B3GALT1: variants seen among roughly 807,000 people sequenced by gnomAD.
B3GALT1 encodes UDP-Gal:betaGlcNAc beta 1,3-galactosyltransferase, polypeptide 1.
A neutral mutation model predicts 23.2 loss-of-function variants in B3GALT1; 10 were observed. That is an observed-to-expected ratio of 0.43 (90% CI 0.27 to 0.73). B3GALT1 has a LOEUF of 0.73. Among genes scored for constraint, B3GALT1 ranks in the 30% least tolerant of loss-of-function variants. The pLI is 0.21. For synonymous variants in B3GALT1, 156 were observed against 141.5 expected (o/e 1.10, Z -0.73); for missense variants, 299 against 405.4 (o/e 0.74, Z 2.25).
At chr2:167,670,869 A>C (rs1337165069) in intron 3 of B3GALT1, among the ~76,000 whole-genome samples, 1 of 152,198 alleles carries the variant, frequency 6.6e-6, no homozygotes, top group East Asian at 1.9e-4. Flanking sequence ...AGAATGAAGA[A>C]GAGTGAATAA....
Position 167,804,082 on chromosome 2 carries a change from C to T in B3GALT1, c.-351-14590C>T, listed in dbSNP as rs765990433. Among the ~76,000 whole-genome samples, 8 of 152,002 alleles carry T rather than the reference C, an allele frequency of 5.3e-5. No homozygotes were observed. The East Asian group carries it at 5.8e-4, about 11-fold the overall frequency. On this transcript the variant is annotated intron_variant, in intron 3 of 4. Transcript: ENST00000392690. ...GTGATCTCGGCACACTGCAACCTCCCGGGTTCAAGACATTCTCCTGCCTCA... is the reference window on the plus strand; with the variant it reads ...GTGATCTCGGCACACTGCAACCTCCTGGGTTCAAGACATTCTCCTGCCTCA...
intron 2 of B3GALT1, among the ~76,000 whole-genome samples, chr2:167,545,226 A>G (rs13395768): frequency 0.017 from 2,643 of 151,514 alleles, 31 homozygotes; most frequent in Non-Finnish European, 0.027. Context: ...TAGTAGAGAC[A>G]GGGTTTCACT....
At chr2:167,778,017 A>T (rs995120739) in intron 3 of B3GALT1, among the ~76,000 whole-genome samples, 4 of 152,082 alleles carry the variant, frequency 2.6e-5, no homozygotes, top group African/African-American at 9.7e-5. Context: ...AGAATTATCT[A>T]GCCCAAGTTG....
At chr2:167,621,422 T>C (rs1358128294) in intron 2 of B3GALT1, among the ~76,000 whole-genome samples, 1 of 152,056 alleles carries the variant, frequency 6.6e-6, no homozygotes, top group African/African-American at 2.4e-5. Context: ...TAAAATGTTA[T>C]TATTTTATCA....
At chr2:167,784,132 G>A (rs763300662) in intron 3 of B3GALT1, among the ~76,000 whole-genome samples, 1 of 152,072 alleles carries the variant, frequency 6.6e-6, no homozygotes, top group Non-Finnish European at 1.5e-5. Context: ...GCCCTTCGCT[G>A]TCCCCAGGGT....
intron 4 of B3GALT1, among the ~76,000 whole-genome samples, chr2:167,849,999 C>G (rs1270735195): frequency 2.0e-5 from 3 of 151,654 alleles, no homozygotes; most frequent in African/African-American, 7.3e-5. Flanking sequence ...GATTTCATAA[C>G]CAAGAACCCA....
At chr2:167,719,871 G>A (rs1420180944) in intron 3 of B3GALT1, among the ~76,000 whole-genome samples, 1 of 151,980 alleles carries the variant, frequency 6.6e-6, no homozygotes, top group Non-Finnish European at 1.5e-5. Context: ...GGCAGAGGTT[G>A]CAGTGAGCTG....
chr2:167,410,081 G>A (rs985538931), intron 1 of B3GALT1, among the ~76,000 whole-genome samples: 2 of 152,172 alleles, frequency 1.3e-5, no homozygotes, highest in Admixed American at 1.3e-4. Context: ...TATACACATG[G>A]AATACTATGC....
intron 1 of B3GALT1, among the ~76,000 whole-genome samples, chr2:167,351,213 G>C (rs1697302667): frequency 6.7e-6 from 1 of 149,642 alleles, no homozygotes; most frequent in Admixed American, 6.6e-5. Context: ...AGGTTGCAGT[G>C]AGCCGAGATC....
intron 3 of B3GALT1, among the ~76,000 whole-genome samples, chr2:167,759,708 C>T (rs1197033326): frequency 6.6e-6 from 1 of 152,082 alleles, no homozygotes; most frequent in Non-Finnish European, 1.5e-5. Context: ...GTTGCAGCTT[C>T]TCTCCCCATC....
chr2:167,821,627 G>T (rs1689108800), intron 4 of B3GALT1, among the ~76,000 whole-genome samples: 1 of 151,896 alleles, frequency 6.6e-6, no homozygotes, highest in African/African-American at 2.4e-5. Context: ...TAAAGACAGG[G>T]TTTCACCATG....
chr2:167,698,478 C>A (rs905193367), intron 3 of B3GALT1, among the ~76,000 whole-genome samples: 1 of 152,080 alleles, frequency 6.6e-6, no homozygotes, highest in Non-Finnish European at 1.5e-5. Context: ...TACAAATGAT[C>A]ACGGCAATTC....
chr2:167,386,781 A>G (rs1426301732), intron 1 of B3GALT1, among the ~76,000 whole-genome samples: 2 of 152,226 alleles, frequency 1.3e-5, no homozygotes, highest in East Asian at 3.8e-4. Context: ...CGCTTCTGGA[A>G]TTAGAGAAGT....
intron 2 of B3GALT1, among the ~76,000 whole-genome samples, chr2:167,501,592 A>C (rs960212503): frequency 6.6e-6 from 1 of 151,918 alleles, no homozygotes; most frequent in Non-Finnish European, 1.5e-5. Context: ...TATCATTATG[A>C]AACAATTTGC....
intron 1 of B3GALT1, among the ~76,000 whole-genome samples, chr2:167,443,042 G>A (rs1345793659): frequency 2.0e-5 from 3 of 151,954 alleles, no homozygotes; most frequent in Non-Finnish European, 4.4e-5. Context: ...ATCTTGAATT[G>A]ATTTTTGTAT....
At chr2:167,807,514 G>A (rs752537484) in intron 3 of B3GALT1, among the ~76,000 whole-genome samples, 1 of 151,736 alleles carries the variant, frequency 6.6e-6, no homozygotes, top group South Asian at 2.1e-4. Flanking sequence ...GGTATGTTGT[G>A]TCTTTGTTCT....
chr2:167,646,246 T>C (rs1030917367), intron 2 of B3GALT1, among the ~76,000 whole-genome samples: 4 of 152,134 alleles, frequency 2.6e-5, no homozygotes, highest in Non-Finnish European at 5.9e-5. Flanking sequence ...CTGTTCTAAG[T>C]GAACCAGCAG....
At chr2:167,804,951 A>G (rs1208029709) in intron 3 of B3GALT1, among the ~76,000 whole-genome samples, 1 of 152,164 alleles carries the variant, frequency 6.6e-6, no homozygotes, top group African/African-American at 2.4e-5. Flanking sequence ...CAACAGTGTA[A>G]AAGTGTTCCT....
intron 1 of B3GALT1, among the ~76,000 whole-genome samples, chr2:167,456,451 A>G (rs926976745): frequency 3.3e-5 from 5 of 152,206 alleles, no homozygotes; most frequent in Non-Finnish European, 7.4e-5. Flanking sequence ...CAGACCCCCT[A>G]ACACATACCA....
Sources: gnomAD v4.1 joint callset for allele counts (sites outside exome capture counted in the v4.1 genomes callset) on GRCh38, gnomAD v4.1.1 for gene constraint, MANE v1.5 for transcripts, NCBI Gene and HGNC (gene_info 2026-07-23, HGNC 2026-07-21) for gene names.